The following POLQ variants were observed in gnomAD, a reference collection of about 807,000 sequenced individuals.
POLQ encodes the protein DNA polymerase theta, also known as epididymis secretory sperm binding protein.
A neutral mutation model predicts 259.2 loss-of-function variants in POLQ; 233 were observed. The observed-to-expected ratio is 0.90, with a 90% CI of 0.81 to 1.00. The LOEUF is 1.00. Ranked by LOEUF, POLQ falls within the 50% of genes least tolerant of loss-of-function variation. The pLI is 0.00. For synonymous variants in POLQ, 1,025 were observed against 1,048.8 expected (o/e 0.98, Z 0.44); for missense variants, 2,871 against 3,051.6 (o/e 0.94, Z 1.39).
At chr3:121,445,395 A>T (rs188549268) in intron 26 of POLQ, among the ~76,000 whole-genome samples, 5 of 152,272 alleles carry the variant, frequency 3.3e-5, no homozygotes, top group Non-Finnish European at 5.9e-5. Context: ...CATTTCTTCT[A>T]GATTTTCCAA....
rs757096202 is a variant in POLQ at position 121,489,689 on chromosome 3, G to A, written c.3242C>T (p.Pro1081Leu). Residue 1081 changes from proline (P) to leucine (L), a missense_variant, in exon 16 of 30, where the codon CCG becomes CTG. Transcript: ENST00000264233. ...TLSNPSLCEDPFTLDEKKTEF... is the reference protein window; with the variant it reads ...TLSNPSLCEDLFTLDEKKTEF... ...CGTTTTCTTCTCATCTAAGGTAAACGGGTCTTCACAAAGACTAGGATTAGA... is the reference window on the plus strand; with the variant it reads ...CGTTTTCTTCTCATCTAAGGTAAACAGGTCTTCACAAAGACTAGGATTAGA... The A allele has an allele frequency of 9.3e-5, 150 of 1,613,334 alleles. No individual in the cohort carries two copies. Among genetic ancestry groups the A allele is most frequent in the Middle Eastern group, 1.6e-4 (1 of 6,082 alleles).
intron 7 of POLQ, among the ~76,000 whole-genome samples, chr3:121,527,638 G>A (rs149932961): frequency 1.3e-5 from 2 of 152,114 alleles, no homozygotes; most frequent in South Asian, 2.1e-4. Flanking sequence ...ACTTAAGCTC[G>A]ATGCATTTAT....
At chr3:121,462,861 C>A (rs977849382) in intron 24 of POLQ, among the ~76,000 whole-genome samples, 2 of 152,164 alleles carry the variant, frequency 1.3e-5, no homozygotes, top group African/African-American at 4.8e-5. Context: ...TCAAAATGAC[C>A]AAGCTGATGT....
rs370730539 is a variant in POLQ, at chr3:121,545,722, T to G, written c.156A>C (p.Ala52=). The change falls in exon 1 of 30, where the codon GCA becomes GCC. Residue 52 remains alanine, a synonymous_variant. Coordinates refer to ENST00000264233, the MANE Select transcript of POLQ (RefSeq NM_199420.4). ...CCCGGGTTCCTGGAGCACCTGCAGC[T>G]GCGGCCTTCAGGCAGCGACCAAGGC... ...PPGLGRCLKA[A]AAGECKPTVP... is the part of the protein sequence containing the mutation. The G allele has an allele frequency of 1.3e-6, 2 of 1,563,690 alleles. No individual in the cohort carries two copies. The highest frequency in any genetic ancestry group is 1.4e-5 in the African/African-American group (1 of 73,678).
At chr3:121,478,938 C>T (rs1360199244) in intron 19 of POLQ, among the ~76,000 whole-genome samples, 1 of 152,082 alleles carries the variant, frequency 6.6e-6, no homozygotes, top group African/African-American at 2.4e-5. Context: ...TTTGACTTAA[C>T]AGACATATAA....
At chr3:121,460,424 T>G (rs1346268688) in intron 24 of POLQ, among the ~76,000 whole-genome samples, 190 bp from the exon 25 acceptor site, 2 of 152,152 alleles carry the variant, frequency 1.3e-5, no homozygotes, top group African/African-American at 2.4e-5. Flanking sequence ...GTCATTTTTT[T>G]CCATGTAGCT....
intron 25 of POLQ, among the ~76,000 whole-genome samples, chr3:121,458,886 CCA>C (rs532654692): frequency 6.6e-6 from 1 of 151,834 alleles, no homozygotes; most frequent in Admixed American, 6.6e-5. Flanking sequence ...CCTCACCTCT[CCA>C]CACACACACA....
At chr3:121,441,143 G>A (rs2047588623) in intron 26 of POLQ, among the ~76,000 whole-genome samples, 2 of 151,880 alleles carry the variant, frequency 1.3e-5, no homozygotes, top group Admixed American at 1.3e-4. Context: ...GATATTTTTG[G>A]GTAAAGAGGA....
At position 121,489,411 on chromosome 3, in the gene POLQ, G is replaced by A. The variant is rs374986039; in HGVS notation, c.3520C>T (p.Gln1174Ter). The A allele has an allele frequency of 6.2e-7, 1 of 1,613,826 alleles. No homozygotes were observed. Among genetic ancestry groups the A allele is most frequent in the East Asian group, 2.2e-5 (1 of 44,886 alleles). ...EAEKINEVLI[Q>*]NGSKNQNVYM... ...ACATTCTGGTTTTTTGAACCATTTT[G>A]TATCAGCACTTCATTTATTTTTTCT... Residue 1174 changes from glutamine to a stop codon, truncating the protein, a stop_gained, in exon 16 of 30, where the codon CAA (glutamine) becomes TAA (stop). Coordinates refer to ENST00000264233, the MANE Select transcript of POLQ (RefSeq NM_199420.4). LOFTEE classifies it high-confidence loss of function.
chr3:121,537,994 A>G (rs761465120), intron 4 of POLQ, among the ~76,000 whole-genome samples: 44 of 152,274 alleles, frequency 2.9e-4, no homozygotes, highest in Non-Finnish European at 3.8e-4. Context: ...TCTAAAAATC[A>G]ATTATTAGCT....
intron 19 of POLQ, among the ~76,000 whole-genome samples, chr3:121,479,121 A>T (rs1167183908): frequency 6.6e-6 from 1 of 152,212 alleles, no homozygotes; most frequent in East Asian, 1.9e-4. Flanking sequence ...AAAATACAAA[A>T]TAAAAGTTTC....
chr3:121,490,602 A>T (rs1406979978), intron 15 of POLQ, among the ~76,000 whole-genome samples, 194 bp from the exon 16 acceptor site: 1 of 152,246 alleles, frequency 6.6e-6, no homozygotes, highest in Non-Finnish European at 1.5e-5. Flanking sequence ...AATGCATTCT[A>T]TATTACCTGG....
At chr3:121,534,508 G>A (rs2048437114) in intron 5 of POLQ, among the ~76,000 whole-genome samples, 1 of 152,100 alleles carries the variant, frequency 6.6e-6, no homozygotes, top group African/African-American at 2.4e-5. Flanking sequence ...ATTTTTAGTA[G>A]AGACAGGGTT....
At position 121,511,946 on chromosome 3, in the gene POLQ, A is replaced by G. The variant is rs1258707998; in HGVS notation, c.1552T>C (p.Cys518Arg). The G allele has an allele frequency of 1.9e-6, 3 of 1,613,746 alleles. No individual in the cohort carries two copies. The highest frequency in any genetic ancestry group is 2.5e-6 in the Non-Finnish European group (3 of 1,179,726). ...TCTTCTCCTTCTCGTCTTTGCAGAC[A>G]GCTGCGAACAGGCTTTAGAGAACCC... ...LQGSLKPVRSCLQRREGEEVT... is the reference protein window; with the variant it reads ...LQGSLKPVRSRLQRREGEEVT... Residue 518 changes from cysteine to arginine, a missense_variant, in exon 10 of 30, where the codon TGT (cysteine) becomes CGT (arginine). Physicochemically the swap from Cys to Arg is radical, Grantham distance 180 (BLOSUM62 -3). Coordinates refer to ENST00000264233, the MANE Select transcript of POLQ (RefSeq NM_199420.4).
rs370310498 is a variant in POLQ at position 121,509,538 on chromosome 3, A to G, written c.1959+23T>C. Reference sequence around the variant, plus strand: ...TTTTTTTCTCCCTATTTTCACAAACATAATTGTTAAAACAGAACTTACCAG... The same window carrying G: ...TTTTTTTCTCCCTATTTTCACAAACGTAATTGTTAAAACAGAACTTACCAG... On this transcript the variant is annotated intron_variant, in intron 12 of 29. Transcript: ENST00000264233. The G allele has an allele frequency of 4.4e-6, 7 of 1,588,868 alleles. No individual in the cohort carries two copies. The African/African-American group carries it at 6.8e-5, about 15-fold the overall frequency.
chr3:121,484,923 T>G, intron 17 of POLQ, 118 bp downstream of exon 17: 1 of 840,724 alleles, frequency 1.2e-6, no homozygotes, highest in South Asian at 2.3e-5. Context: ...AAAAAAAATT[T>G]AACTCTAAAA....
At chr3:121,505,868 CA>C (rs2048204531) in intron 12 of POLQ, among the ~76,000 whole-genome samples, 2 of 134,756 alleles carry the variant, frequency 1.5e-5, no homozygotes, top group Non-Finnish European at 3.2e-5. Flanking sequence ...AAAAAAAATA[CA>C]AAATTAGCCA....
intron 12 of POLQ, among the ~76,000 whole-genome samples, chr3:121,502,360 C>T (rs2048177539): frequency 1.3e-5 from 2 of 152,142 alleles, no homozygotes; most frequent in Non-Finnish European, 2.9e-5. Flanking sequence ...TGCACCACCA[C>T]ACCCAGCTCA....
intron 20 of POLQ, among the ~76,000 whole-genome samples, 164 bp from the exon 21 acceptor site, chr3:121,473,651 A>G (rs1418740995): frequency 6.6e-6 from 1 of 152,088 alleles, no homozygotes; most frequent in Non-Finnish European, 1.5e-5. Context: ...AATGATGGCA[A>G]TCAAAATTTA....
Sources: gnomAD v4.1 joint callset for allele counts (sites outside exome capture counted in the v4.1 genomes callset) on GRCh38, gnomAD v4.1.1 for gene constraint, MANE v1.5 for transcripts, NCBI Gene and HGNC (gene_info 2026-07-23, HGNC 2026-07-21) for gene names.